Variants in KLHL3 observed in about 807,000 individuals in gnomAD.
KLHL3 encodes kelch-like protein 3.
KLHL3 carries 19 observed loss-of-function variants against 70.5 expected under a neutral mutation model. The ratio of observed to expected loss-of-function variants is 0.27; its 90% CI spans 0.19 to 0.40. The LOEUF is 0.40. Among genes scored for constraint, KLHL3 ranks in the 10% least tolerant of loss-of-function variants. The pLI, the probability that KLHL3 is intolerant of heterozygous loss-of-function variation, is 1.00. For synonymous variants in KLHL3, 258 were observed against 290.3 expected (o/e 0.89, Z 1.13); for missense variants, 512 against 771.1 (o/e 0.66, Z 3.98).
intron 7 of KLHL3, 104 bp from the exon 8 acceptor site, chr5:137,658,384 C>G: frequency 9.5e-7 from 1 of 1,056,928 alleles, no homozygotes; most frequent in Non-Finnish European, 1.4e-6. Context: ...CTCATTCATT[C>G]CTTCACCACA....
intron 4 of KLHL3, among the ~76,000 whole-genome samples, chr5:137,693,757 G>A (rs1175225697): frequency 2.0e-5 from 3 of 152,162 alleles, no homozygotes; most frequent in African/African-American, 7.2e-5. Flanking sequence ...GAGAGTGACT[G>A]AGCCAGCTAC....
chr5:137,647,583 C>A (rs1446192295), intron 8 of KLHL3: 3 of 472,280 alleles, frequency 6.4e-6, no homozygotes, highest in Non-Finnish European at 4.4e-6. Flanking sequence ...CCCAGCCAGT[C>A]GGTCCCTCGG....
intron 10 of KLHL3, 126 bp downstream of exon 10, chr5:137,638,827 G>T: frequency 2.3e-6 from 2 of 862,350 alleles, no homozygotes; most frequent in Non-Finnish European, 3.7e-6. Flanking sequence ...GAAGAAGAGT[G>T]GATATGTCCC....
intron 6 of KLHL3, chr5:137,673,037 CTCTACGG>C (rs1751799861): frequency 6.6e-6 from 1 of 152,168 alleles, no homozygotes; most frequent in African/African-American, 2.4e-5. Flanking sequence ...CTGAGAATGA[CTCTACGG>C]TCTAAGAAGA....
At chr5:137,716,801 G>T (rs1387157538) in intron 2 of KLHL3, among the ~76,000 whole-genome samples, 1 of 152,174 alleles carries the variant, frequency 6.6e-6, no homozygotes, top group Non-Finnish European at 1.5e-5. Flanking sequence ...GGCAGTGTCA[G>T]AAAATTTGTT....
rs576469167 is a variant in KLHL3, at chr5:137,667,444, T to A, written c.637-5413A>T. ...TGATTAATGTCCTAGAACCAATTTC[T>A]TGCATGCTACAAGACTGTCAAGTGG... On this transcript the variant is annotated intron_variant, in intron 6 of 14. Transcript: ENST00000309755. Among the ~76,000 whole-genome samples, 6 of 152,338 alleles carry A rather than the reference T, an allele frequency of 3.9e-5. No homozygotes were observed. In the East Asian group the frequency reaches 7.7e-4, roughly 20 times the overall value.
chr5:137,661,816 A>C, intron 7 of KLHL3, 99 bp downstream of exon 7: 1 of 715,584 alleles, frequency 1.4e-6, no homozygotes, highest in Non-Finnish European at 2.5e-6. Context: ...CAGAAGACCC[A>C]CTAAACCCTC....
Position 137,675,860 on chromosome 5 carries a change from T to C in KLHL3, c.636+1685A>G, listed in dbSNP as rs114691568. On this transcript the variant is annotated intron_variant, in intron 6 of 14. Transcript: ENST00000309755. ...CTGCTGTTTATATGAGTGCTTCCAT[T>C]TTCTCACTCTACACTTAGAACATGC... Among the ~76,000 whole-genome samples the C allele has an allele frequency of 5.1e-3, 777 of 152,248 alleles. 5 individuals are homozygous for C. The highest frequency in any genetic ancestry group is 9.0e-3 in the Non-Finnish European group (614 of 68,016).
At chr5:137,696,637 A>G (rs1309117003) in intron 4 of KLHL3, among the ~76,000 whole-genome samples, 1 of 152,160 alleles carries the variant, frequency 6.6e-6, no homozygotes, top group Non-Finnish European at 1.5e-5. Flanking sequence ...ATTTCATGAG[A>G]AACTAGAATT....
chr5:137,670,269 C>T (rs147115805), intron 6 of KLHL3, among the ~76,000 whole-genome samples: 58 of 152,138 alleles, frequency 3.8e-4, no homozygotes, highest in African/African-American at 1.3e-3. Context: ...CTACAGGGTC[C>T]ACAGCCCAGG....
At chr5:137,723,691 A>G (rs1254562473) in intron 1 of KLHL3, among the ~76,000 whole-genome samples, 8 of 152,176 alleles carry the variant, frequency 5.3e-5, no homozygotes, top group Admixed American at 4.6e-4. Context: ...TTTTTCTTCT[A>G]TCAAATTCTT....
Position 137,639,185 on chromosome 5 carries a change from T to G in KLHL3, c.1022-35A>C. The G allele has an allele frequency of 6.2e-7, 1 of 1,603,154 alleles. No homozygotes were observed. The highest frequency in any genetic ancestry group is 8.5e-7 in the Non-Finnish European group (1 of 1,172,814). Reference sequence around the variant, plus strand: ...AGGAAACCAAGACATCAAGGTCAGGTCAGGCGCATGACTGCTCATGTTGAT... The same window carrying G: ...AGGAAACCAAGACATCAAGGTCAGGGCAGGCGCATGACTGCTCATGTTGAT... On this transcript the variant is annotated intron_variant, in intron 9 of 14. Coordinates refer to ENST00000309755, the MANE Select transcript of KLHL3 (RefSeq NM_017415.3). The surrounding 1 kb of genome is among the most constrained non-coding windows in gnomAD (Gnocchi z 5.0).
At chr5:137,700,574 G>A (rs1580772817) in intron 3 of KLHL3, among the ~76,000 whole-genome samples, 1 of 152,284 alleles carries the variant, frequency 6.6e-6, no homozygotes, top group East Asian at 1.9e-4. Context: ...TTTCTAGGGG[G>A]ATGACAGGTC....
At position 137,621,739 on chromosome 5, in the gene KLHL3, C is replaced by T. The variant is rs571539969; in HGVS notation, c.*359G>A. On this transcript the variant is annotated 3_prime_UTR_variant, in exon 15 of 15. Coordinates refer to ENST00000309755, the MANE Select transcript of KLHL3 (RefSeq NM_017415.3). ...TCCAGTAGACTGTCACACACGCTCA[C>T]CCCCCAACTTAGAGAAACATAGAGA... The T allele has an allele frequency of 7.5e-5, 20 of 265,852 alleles. No homozygotes were observed. Among genetic ancestry groups the T allele is most frequent in the Non-Finnish European group, 1.1e-4 (16 of 140,000 alleles). 16.5% of individuals were successfully genotyped at this position (265,852 alleles called of 1,614,324 possible).
At chr5:137,695,315 G>GT (rs1228005395) in intron 4 of KLHL3, among the ~76,000 whole-genome samples, 1 of 152,064 alleles carries the variant, frequency 6.6e-6, no homozygotes, top group Non-Finnish European at 1.5e-5. Context: ...CCCTTATCCT[G>GT]TTTGAGTCCA....
chr5:137,635,242 C>T lies in KLHL3; in HGVS notation c.1322-1077G>A, dbSNP rs147697299. Among the ~76,000 whole-genome samples the T allele has an allele frequency of 1.6e-3, 246 of 152,296 alleles. 1 individual carries two copies. Among genetic ancestry groups the T allele is most frequent in the African/African-American group, 5.7e-3 (235 of 41,562 alleles). Reference sequence around the variant, plus strand: ...AAAAATGTTTTTCTTCTATCATCATCGAGCCTGGCTTTGTTTTCTGCCCCA... The same window carrying T: ...AAAAATGTTTTTCTTCTATCATCATTGAGCCTGGCTTTGTTTTCTGCCCCA... On this transcript the variant is annotated intron_variant, in intron 11 of 14. Coordinates refer to ENST00000309755, the MANE Select transcript of KLHL3 (RefSeq NM_017415.3).
intron 3 of KLHL3, among the ~76,000 whole-genome samples, chr5:137,699,276 A>G (rs1409426731): frequency 6.6e-5 from 10 of 152,178 alleles, no homozygotes; most frequent in Non-Finnish European, 1.5e-4. Flanking sequence ...AGAAGAAAGT[A>G]CCAAAAGAAT....
At chr5:137,641,378 G>C (rs13157472) in intron 8 of KLHL3, among the ~76,000 whole-genome samples, 39,665 of 152,068 alleles carry the variant, frequency 0.26, 5,462 homozygotes, top group East Asian at 0.5. Context: ...AGTGGATCTG[G>C]AGTGGAGCCC....
intron 13 of KLHL3, among the ~76,000 whole-genome samples, chr5:137,626,658 T>C (rs1412275527): frequency 6.6e-6 from 1 of 152,162 alleles, no homozygotes; most frequent in South Asian, 2.1e-4. Context: ...GACGAAAAAA[T>C]GGACACCCTC....
Sources: allele counts gnomAD v4.1 joint callset (sites outside exome capture counted in the v4.1 genomes callset), GRCh38; gene constraint gnomAD v4.1.1; non-coding constraint Gnocchi (gnomAD v3.1); transcripts MANE v1.5; gene names NCBI Gene and HGNC (gene_info 2026-07-23, HGNC 2026-07-21).